CHEK1: variants seen among roughly 807,000 people sequenced by gnomAD.
The protein encoded by CHEK1 is checkpoint kinase 1, also known as serine/threonine-protein kinase Chk1.
CHEK1 carries 32 observed loss-of-function variants against 60.2 expected under a neutral mutation model. The observed-to-expected ratio is 0.53, with a 90% CI of 0.40 to 0.71. The LOEUF (loss-of-function observed/expected upper bound fraction) is 0.71. Ranked by LOEUF, CHEK1 falls within the 30% of genes least tolerant of loss-of-function variation. CHEK1 has a pLI of 0.00. For missense variants in CHEK1, 399 were observed against 564.6 expected (o/e 0.71, Z 2.97); for synonymous variants, 179 against 187.2 (o/e 0.96, Z 0.36).
chr11:125,659,901 AC>A (rs1183922086), downstream of CHEK1, among the ~76,000 whole-genome samples: 1 of 151,794 alleles, frequency 6.6e-6, no homozygotes, highest in African/African-American at 2.4e-5. Context: ...GAAAATACTA[AC>A]CTACATTTTG....
At chr11:125,635,829 A>T in intron 7 of CHEK1, 1 of 178,070 alleles carries the variant, frequency 5.6e-6, no homozygotes, top group East Asian at 1.4e-4. Flanking sequence ...TTGCAAATAC[A>T]CTCGTTTGTT....
chr11:125,669,669 G>A (rs1392731272), intron 13 of CHEK1, among the ~76,000 whole-genome samples: 1 of 151,306 alleles, frequency 6.6e-6, no homozygotes. Context: ...GATTACAGGC[G>A]CCCACCACCA....
At chr11:125,635,229 G>C (rs1157714477) in intron 6 of CHEK1, among the ~76,000 whole-genome samples, 200 bp from the exon 7 acceptor site, 1 of 152,178 alleles carries the variant, frequency 6.6e-6, no homozygotes, top group Non-Finnish European at 1.5e-5. Context: ...AAAGTGCTGT[G>C]ATTACAGGCC....
chr11:125,637,069 T>A (rs1941098244), intron 7 of CHEK1, among the ~76,000 whole-genome samples: 1 of 152,194 alleles, frequency 6.6e-6, no homozygotes, highest in Admixed American at 6.5e-5. Flanking sequence ...GGTAAGTAAA[T>A]GTTCATTATA....
rs1591422802 is a variant in CHEK1, at chr11:125,655,208, T to C, written c.1336-17T>C. 2 of 1,577,686 alleles carry C rather than the reference T, an allele frequency of 1.3e-6. No individual in the cohort carries two copies. The highest frequency in any genetic ancestry group is 1.1e-5 in the South Asian group (1 of 88,140). ...TTTTTGTTTTGACATAATTTTTTAA[T>C]ACTATTTCTAATATAGGGTGATGGA... On this transcript the variant is annotated splice_polypyrimidine_tract_variant and intron_variant, in intron 12 of 12. Transcript: ENST00000438015.
intron 13 of CHEK1, among the ~76,000 whole-genome samples, chr11:125,666,419 T>C (rs1450679753): frequency 6.6e-6 from 1 of 152,178 alleles, no homozygotes; most frequent in African/African-American, 2.4e-5. Flanking sequence ...TTGTGGCCTC[T>C]CATATGGTCT....
chr11:125,626,597 C>T, intron 1 of CHEK1, 152 bp from the exon 2 acceptor site: 6 of 656,794 alleles, frequency 9.1e-6, no homozygotes, highest in Non-Finnish European at 1.6e-5. Flanking sequence ...AATAGTTGTT[C>T]GTGGTTGAAA....
chr11:125,630,803 A>G (rs1195926586), intron 5 of CHEK1, among the ~76,000 whole-genome samples: 5 of 152,224 alleles, frequency 3.3e-5, no homozygotes, highest in Admixed American at 6.5e-5. Context: ...CATTATTCGT[A>G]TATAAGAATG....
intron 7 of CHEK1, 191 bp downstream of exon 7, chr11:125,635,724 T>G (rs1250362126): frequency 5.6e-6 from 2 of 358,154 alleles, no homozygotes; most frequent in Non-Finnish European, 1.0e-5. Flanking sequence ...CTGCAATAGA[T>G]TTTTAAAAAT....
At position 125,634,965 on chromosome 11, in the gene CHEK1, T is replaced by TG. The variant is rs571775735; in HGVS notation, c.614-464_614-463insG. 2.0e-4 allele frequency among the ~76,000 whole-genome samples: 31 copies of TG among 151,718 alleles called. No homozygotes were observed. The South Asian group carries it at 5.8e-3, about 28-fold the overall frequency. ...GAAATGATTCATCTGTTTTTTGGTT[T>TG]TTTTTTTTTTGAGACAAAGTCTTGC... On this transcript the variant is annotated intron_variant, in intron 6 of 12. Coordinates refer to ENST00000438015, the MANE Select transcript of CHEK1 (RefSeq NM_001114122.3).
chr11:125,638,584 A>G (rs1175674410), intron 8 of CHEK1, among the ~76,000 whole-genome samples: 1 of 152,092 alleles, frequency 6.6e-6, no homozygotes, highest in African/African-American at 2.4e-5. Flanking sequence ...CTTAAAGTCC[A>G]ATTCTCCCCT....
intron 13 of CHEK1, among the ~76,000 whole-genome samples, chr11:125,666,471 T>C (rs534234962): frequency 6.6e-6 from 1 of 152,336 alleles, no homozygotes; most frequent in African/African-American, 2.4e-5. Flanking sequence ...GAACATGTAT[T>C]CTGCAGTAGT....
intron 11 of CHEK1, among the ~76,000 whole-genome samples, chr11:125,644,864 C>T (rs1254813656): frequency 6.6e-6 from 1 of 151,874 alleles, no homozygotes; most frequent in Non-Finnish European, 1.5e-5. Flanking sequence ...CAAAAATTAG[C>T]CGGCCTGGTG....
chr11:125,680,948 G>A (rs1037314834), downstream of CHEK1: 4 of 594,864 alleles, frequency 6.7e-6, no homozygotes, highest in African/African-American at 5.6e-5. Context: ...TGAGGTTCTT[G>A]TGTAGCCTGT....
downstream of CHEK1, chr11:125,680,868 C>G: frequency 9.2e-7 from 1 of 1,085,096 alleles, no homozygotes; most frequent in Admixed American, 2.0e-5. Flanking sequence ...GCTTCCAGTG[C>G]TGAAGCAGAG....
At chr11:125,658,685 C>CTTTTTT (rs67342073), downstream of CHEK1, among the ~76,000 whole-genome samples, 2 of 34,880 alleles carry the variant, frequency 5.7e-5, no homozygotes, top group Admixed American at 5.3e-4. Flanking sequence ...ATGGCTTTTG[C>CTTTTTT]TTTTTTTTTT....
chr11:125,634,347 G>A (rs1054433119), intron 6 of CHEK1, among the ~76,000 whole-genome samples: 1 of 151,484 alleles, frequency 6.6e-6, no homozygotes, highest in African/African-American at 2.4e-5. Flanking sequence ...TTTGAGACAG[G>A]GTCTCACTCT....
downstream of CHEK1, among the ~76,000 whole-genome samples, chr11:125,660,016 A>G (rs995745121): frequency 1.3e-5 from 2 of 152,168 alleles, no homozygotes; most frequent in African/African-American, 2.4e-5. Context: ...ATGTTGTAGC[A>G]TGTATCAGGA....
chr11:125,677,822 ACCTGAAGCCTGTTCC>A (rs1942586899), downstream of CHEK1: 3 of 1,614,130 alleles, frequency 1.9e-6, no homozygotes, highest in East Asian at 2.2e-5. Flanking sequence ...AAATTGGTGC[ACCTGAAGCCTGTTCC>A]CCTGAAGCGT....
Sources: gnomAD v4.1 joint callset for allele counts (sites outside exome capture counted in the v4.1 genomes callset) on GRCh38, gnomAD v4.1.1 for gene constraint, MANE v1.5 for transcripts, NCBI Gene and HGNC (gene_info 2026-07-23, HGNC 2026-07-21) for gene names.